Variants in VSTM1 observed in about 807,000 individuals in gnomAD.
The protein encoded by VSTM1 is V-set and transmembrane domain containing 1, also known as V-set and transmembrane domain-containing protein 1.
In VSTM1, 27 loss-of-function variants were observed where a neutral mutation model predicts 33.1. The observed-to-expected ratio is 0.82, with a 90% CI of 0.60 to 1.12. VSTM1 has a LOEUF of 1.12. Ranked by LOEUF, VSTM1 falls within the 50% of genes most tolerant of loss-of-function variation. The probability of loss-of-function intolerance (pLI) is 0.00; values close to 1 mark genes in which losing one functional copy is unlikely to be tolerated. For missense variants in VSTM1, 304 were observed against 288.9 expected, an observed-to-expected ratio of 1.05 and a Z score of -0.38; for synonymous variants, 115 against 110.3, an observed-to-expected ratio of 1.04 and a Z score of -0.27.
At chr19:54,042,812 A>ATATATATATATG (rs1198903127) in intron 4 of VSTM1, among the ~76,000 whole-genome samples, 10 of 39,122 alleles carry the variant, frequency 2.6e-4, no homozygotes, top group African/African-American at 7.5e-4. Context: ...ATGTGTATAT[A>ATATATATATATG]TATATATATA....
chr19:54,062,345 T>C (rs373355618), intron 1 of VSTM1, among the ~76,000 whole-genome samples: 32 of 152,136 alleles, frequency 2.1e-4, no homozygotes, highest in East Asian at 1.2e-3. Context: ...ATGGCAGCCA[T>C]TGGGGGATGA....
intron 1 of VSTM1, among the ~76,000 whole-genome samples, chr19:54,061,953 C>T (rs560581080): frequency 6.6e-6 from 1 of 152,064 alleles, no homozygotes; most frequent in African/African-American, 2.4e-5. Flanking sequence ...GTCAGGAGTT[C>T]GAGGCCAGCC....
At chr19:54,063,695 A>AG (rs1380750725) in intron 1 of VSTM1, 49 bp downstream of exon 1, 9 of 1,608,730 alleles carry the variant, frequency 5.6e-6, no homozygotes, top group Admixed American at 1.7e-5. Flanking sequence ...CTCCCACATG[A>AG]GTTTTTCTCA....
chr19:54,063,729 G>C lies in VSTM1; in HGVS notation c.34+15C>G. 1 of 1,613,630 alleles carries C rather than the reference G, an allele frequency of 6.2e-7. No individual in the cohort carries two copies. The highest frequency in any genetic ancestry group is 8.5e-7 in the Non-Finnish European group (1 of 1,179,760). ...CACCAGCCCAAGCCCATTCGTCCCA[G>C]TCCTGGAGACTCACCGAGGCAAAGC... On this transcript the variant is annotated intron_variant, in intron 1 of 8. Transcript: ENST00000338372.
At chr19:54,059,865 CGAGATG>C (rs1184961737) in intron 1 of VSTM1, among the ~76,000 whole-genome samples, 28 of 129,498 alleles carry the variant, frequency 2.2e-4, no homozygotes, top group African/African-American at 7.8e-4. Flanking sequence ...TTTTATTTTT[CGAGATG>C]GAGTCTCGCT....
intron 4 of VSTM1, among the ~76,000 whole-genome samples, chr19:54,042,806 G>C (rs866692033): frequency 1.7e-5 from 1 of 57,938 alleles, no homozygotes; most frequent in Admixed American, 2.4e-4. Context: ...ATATAAATGT[G>C]TATATATATA....
chr19:54,059,507 A>G (rs1462732948), intron 1 of VSTM1, among the ~76,000 whole-genome samples: 2 of 151,154 alleles, frequency 1.3e-5, no homozygotes, highest in Non-Finnish European at 3.0e-5. Context: ...TCGCTGTGTC[A>G]CCCAGGCTGG....
chr19:54,058,835 A>ATATATATATAATGTATATATGTAT (rs1244258844), intron 1 of VSTM1, 103 bp from the exon 2 acceptor site: 4 of 586,598 alleles, frequency 6.8e-6, no homozygotes, highest in Non-Finnish European at 1.1e-5. Flanking sequence ...AGATATATAT[A>ATATATATATAATGTATATATGTAT]TATATATAAT....
intron 4 of VSTM1, among the ~76,000 whole-genome samples, chr19:54,042,573 A>AT (rs2070344158): frequency 6.6e-6 from 1 of 151,832 alleles, no homozygotes; most frequent in Non-Finnish European, 1.5e-5. Context: ...AAGTGAGGAT[A>AT]GCAGCAGTAG....
At chr19:54,045,217 C>T (rs1028403840) in intron 4 of VSTM1, among the ~76,000 whole-genome samples, 13 of 152,128 alleles carry the variant, frequency 8.5e-5, no homozygotes, top group South Asian at 2.1e-4. Context: ...TTATCTATCT[C>T]GCTAATCTAT....
chr19:54,051,104 C>T (rs1330234739), intron 4 of VSTM1, among the ~76,000 whole-genome samples: 2 of 151,360 alleles, frequency 1.3e-5, no homozygotes, highest in Admixed American at 6.6e-5. Flanking sequence ...CCAGCCTGGC[C>T]AACATGGTGA....
intron 4 of VSTM1, among the ~76,000 whole-genome samples, chr19:54,044,002 C>T (rs1314500454): frequency 6.6e-6 from 1 of 152,082 alleles, no homozygotes; most frequent in Non-Finnish European, 1.5e-5. Flanking sequence ...ACTCGAATTC[C>T]TGGGCTCAAG....
At chr19:54,041,255 G>A (rs1340537189) in intron 8 of VSTM1, among the ~76,000 whole-genome samples, 175 bp from the exon 9 acceptor site, 2 of 151,992 alleles carry the variant, frequency 1.3e-5, no homozygotes, top group Admixed American at 6.6e-5. Flanking sequence ...TTATGCCTGT[G>A]ACATCAATGG....
chr19:54,053,454 ACT>A lies in VSTM1; in HGVS notation c.356-2008_356-2007del, dbSNP rs1420286224. Among the ~76,000 whole-genome samples the A allele has an allele frequency of 7.0e-5, 10 of 142,358 alleles. 2 individuals are homozygous for A. Among genetic ancestry groups the A allele is most frequent in the Non-Finnish European group, 1.2e-4 (8 of 64,458 alleles). The allele number at this position is 142,358 out of a possible 152,430, so 93.4% of individuals were successfully genotyped here. On this transcript the variant is annotated intron_variant, in intron 3 of 8. Coordinates refer to ENST00000338372, the MANE Select transcript of VSTM1 (RefSeq NM_198481.4). ...TCTTGATTATGTTACATTACATAAA[ACT>A]CTGTTTGCTAGGGCATTTGCTCTCT... is the stretch of plus-strand genomic sequence containing the variant.
intron 4 of VSTM1, among the ~76,000 whole-genome samples, chr19:54,043,692 G>A (rs1471549268): frequency 6.6e-6 from 1 of 152,132 alleles, no homozygotes; most frequent in Non-Finnish European, 1.5e-5. Context: ...GATTACAGGC[G>A]TGAGCCACCA....
Position 54,063,813 on chromosome 19 carries a change from G to A in VSTM1, c.-36C>T. 1 of 1,612,676 alleles carries A rather than the reference G, an allele frequency of 6.2e-7. No individual in the cohort carries two copies. The highest frequency in any genetic ancestry group is 8.5e-7 in the Non-Finnish European group (1 of 1,179,480). On this transcript the variant is annotated 5_prime_UTR_variant, in exon 1 of 9. Transcript: ENST00000338372. ...CTGCCAGAACCAAGGCCCCGCCTTGGGTTTTACCCTTCAAAGGCGGAGCGG... is the reference window on the plus strand; with the variant it reads ...CTGCCAGAACCAAGGCCCCGCCTTGAGTTTTACCCTTCAAAGGCGGAGCGG...
Position 54,041,079 on chromosome 19 carries a change from G to C in VSTM1, c.593C>G (p.Thr198Arg). The C allele has an allele frequency of 6.3e-7, 1 of 1,577,434 alleles. No individual in the cohort carries two copies. The change falls in exon 9 of 9, where the codon ACG (threonine) becomes AGG (arginine). Residue 198 changes from threonine (T) to arginine (R), a missense_variant and splice_region_variant. Transcript: ENST00000338372. ...ATAGGTCACTCCTTGGGGGTCTGCCGTCTTTGGAGAAAATAGATGAATATT... is the reference window on the plus strand; with the variant it reads ...ATAGGTCACTCCTTGGGGGTCTGCCCTCTTTGGAGAAAATAGATGAATATT... Reference protein sequence around the residue: ...LSNMERVSLSTADPQGVTYAE... With the variant: ...LSNMERVSLSRADPQGVTYAE...
At chr19:54,058,638 A>G in intron 2 of VSTM1, 48 bp from the exon 3 acceptor site, 1 of 1,613,664 alleles carries the variant, frequency 6.2e-7, no homozygotes. Context: ...AGACGATTAA[A>G]GGAAAAGGTC....
Position 54,058,600 on chromosome 19 carries a change from A to G in VSTM1, c.71-10T>C. The G allele has an allele frequency of 6.2e-7, 1 of 1,613,372 alleles. No individual in the cohort carries two copies. The highest frequency in any genetic ancestry group is 8.5e-7 in the Non-Finnish European group (1 of 1,179,432). ...GGCTTGGGCGGTTTCTCTGGAAACAATTCAGAGTTAATTTGAGTCTAGAAT... is the reference window on the plus strand; with the variant it reads ...GGCTTGGGCGGTTTCTCTGGAAACAGTTCAGAGTTAATTTGAGTCTAGAAT... On this transcript the variant is annotated splice_polypyrimidine_tract_variant and intron_variant, in intron 2 of 8. Transcript: ENST00000338372.
Sources: allele counts gnomAD v4.1 joint callset (sites outside exome capture counted in the v4.1 genomes callset), GRCh38; gene constraint gnomAD v4.1.1; transcripts MANE v1.5; gene names NCBI Gene and HGNC (gene_info 2026-07-23, HGNC 2026-07-21).